Variants in ANOS1 observed in about 807,000 individuals in gnomAD.
ANOS1 encodes the protein anosmin 1.
A neutral mutation model predicts 59.0 loss-of-function variants in ANOS1; 6 were observed. The observed-to-expected ratio is 0.10, with a 90% CI of 0.06 to 0.20. The LOEUF is 0.20. Ranked by LOEUF, ANOS1 falls within the 10% of genes least tolerant of loss-of-function variation. The pLI is 1.00. For synonymous variants in ANOS1, 217 were observed against 223.4 expected (o/e 0.97, Z 0.25); for missense variants, 433 against 542.3 (o/e 0.80, Z 2.00).
intron 6 of ANOS1, among the ~76,000 whole-genome samples, chrX:8,582,316 T>C (rs911303442): frequency 1.8e-5 from 2 of 112,354 alleles, no homozygotes; most frequent in Non-Finnish European, 3.8e-5. Context: ...ATAAAGAAGG[T>C]GAGCCAGCCA....
chrX:8,730,902 G>C (rs367813881), intron 1 of ANOS1, among the ~76,000 whole-genome samples: 1 of 112,744 alleles, frequency 8.9e-6, no homozygotes, highest in East Asian at 2.8e-4. Flanking sequence ...ACCTGCTCTC[G>C]TGCGCCCACC....
intron 3 of ANOS1, among the ~76,000 whole-genome samples, chrX:8,608,318 A>T (rs1166621735): frequency 8.9e-6 from 1 of 111,919 alleles, no homozygotes; most frequent in East Asian, 2.8e-4. Flanking sequence ...ATCCATATAC[A>T]TTAATTATAG....
At chrX:8,620,195 T>G (rs193297832) in intron 3 of ANOS1, among the ~76,000 whole-genome samples, 36 of 112,525 alleles carry the variant, frequency 3.2e-4, no homozygotes, top group African/African-American at 1.1e-3. Flanking sequence ...TTACAAGTAC[T>G]CAATTCTGTT....
At chrX:8,576,330 T>C (rs1355449295) in intron 6 of ANOS1, among the ~76,000 whole-genome samples, 2 of 111,005 alleles carry the variant, frequency 1.8e-5, no homozygotes, top group African/African-American at 6.6e-5. Context: ...GAGAATTGGT[T>C]CCCTACGTTA....
intron 2 of ANOS1, among the ~76,000 whole-genome samples, chrX:8,697,536 G>C (rs1932701479): frequency 9.0e-6 from 1 of 111,729 alleles, no homozygotes; most frequent in African/African-American, 3.3e-5. Context: ...GGTGGGAAGA[G>C]TGGTTAGATG....
At position 8,680,272 on chromosome X, in the gene ANOS1, G is replaced by T. The variant is rs766979557; in HGVS notation, c.255+19426C>A. Among the ~76,000 whole-genome samples, 25 of 107,971 alleles carry T rather than the reference G, an allele frequency of 2.3e-4. No homozygotes were observed. In the Admixed American group the frequency reaches 2.5e-3, roughly 11 times the overall value. 93.8% of individuals were successfully genotyped at this position (107,971 alleles called of 115,157 possible). ...CTCACTCTGTCACCCAGGCTGGGCTGCAATGATGTGATCATAGCTCTCAGT... is the reference window on the plus strand; with the variant it reads ...CTCACTCTGTCACCCAGGCTGGGCTTCAATGATGTGATCATAGCTCTCAGT... On this transcript the variant is annotated intron_variant, in intron 2 of 13. Coordinates refer to ENST00000262648, the MANE Select transcript of ANOS1 (RefSeq NM_000216.4).
intron 2 of ANOS1, among the ~76,000 whole-genome samples, chrX:8,668,420 T>TAC (rs1370038176): frequency 9.2e-5 from 7 of 75,935 alleles, no homozygotes; most frequent in Non-Finnish European, 1.5e-4. Context: ...TATATATATA[T>TAC]ATATATATAT....
intron 2 of ANOS1, among the ~76,000 whole-genome samples, chrX:8,665,692 C>G (rs1272545420): frequency 8.9e-6 from 1 of 112,153 alleles, no homozygotes. Context: ...ACCCAATTCA[C>G]TTAAACATTT....
intron 3 of ANOS1, among the ~76,000 whole-genome samples, chrX:8,600,360 A>G (rs1199529654): frequency 1.8e-5 from 2 of 112,497 alleles, no homozygotes; most frequent in African/African-American, 3.2e-5. Context: ...CTTAATTAAC[A>G]AAAGGAAAAC....
chrX:8,667,106 C>T (rs759455484), intron 2 of ANOS1, among the ~76,000 whole-genome samples: 12 of 111,621 alleles, frequency 1.1e-4, no homozygotes, highest in African/African-American at 3.6e-4. Flanking sequence ...CCTCCTGATG[C>T]TTTCACCCAA....
Position 8,549,507 on chromosome X carries a change from C to T in ANOS1, c.1354+4445G>A, listed in dbSNP as rs148368543. Among the ~76,000 whole-genome samples, 941 of 112,549 alleles carry T rather than the reference C, an allele frequency of 8.4e-3. 11 individuals are homozygous for T. The highest frequency in any genetic ancestry group is 0.029 in the African/African-American group (891 of 31,028). ...TGGACAATTAAATCATGTCTTAAAG[C>T]ACTGCTCTTTGTTGTTCACAAAGGA... On this transcript the variant is annotated intron_variant, in intron 9 of 13. Transcript: ENST00000262648.
At position 8,548,174 on chromosome X, in the gene ANOS1, C is replaced by CT. The variant is rs1929800962; in HGVS notation, c.1354+5777dup. Among the ~76,000 whole-genome samples, 3 of 111,980 alleles carry CT rather than the reference C, an allele frequency of 2.7e-5. No individual in the cohort carries two copies. The East Asian group carries it at 8.4e-4, about 31-fold the overall frequency. ...GAACAACCAGACCTTTCTTCCCGTT[C>CT]TTTTTTTTCTATATTTCCTTTGTCA... On this transcript the variant is annotated intron_variant, in intron 9 of 13. Coordinates refer to ENST00000262648, the MANE Select transcript of ANOS1 (RefSeq NM_000216.4).
Position 8,530,696 on chromosome X carries a change from G to A in ANOS1, c.*2299C>T, listed in dbSNP as rs1198642741. On this transcript the variant is annotated 3_prime_UTR_variant, in exon 14 of 14. Coordinates refer to ENST00000262648, the MANE Select transcript of ANOS1 (RefSeq NM_000216.4). Reference sequence around the variant, plus strand: ...TCTATTACCCAGACAAAAGAAGCATGATTAAATTTTATAAAATTAAATTTA... The same window carrying A: ...TCTATTACCCAGACAAAAGAAGCATAATTAAATTTTATAAAATTAAATTTA... The A allele has an allele frequency of 3.7e-5, 4 of 109,553 alleles. No homozygotes were observed. Among genetic ancestry groups the A allele is most frequent in the Admixed American group, 9.8e-5 (1 of 10,170 alleles). 9.0% of individuals were successfully genotyped at this position (109,553 alleles called of 1,213,427 possible).
chrX:8,655,512 G>A (rs1326816082), intron 2 of ANOS1, among the ~76,000 whole-genome samples: 2 of 111,448 alleles, frequency 1.8e-5, no homozygotes, highest in East Asian at 2.8e-4. Flanking sequence ...GGGGTCCGAG[G>A]CCCTAGGATT....
chrX:8,676,998 C>T (rs1030300444), intron 2 of ANOS1, among the ~76,000 whole-genome samples: 11 of 111,827 alleles, frequency 9.8e-5, no homozygotes, highest in Non-Finnish European at 1.7e-4. Context: ...TTTTCCCTCT[C>T]GCCTGAGACC....
At chrX:8,597,465 A>G in intron 3 of ANOS1, among the ~76,000 whole-genome samples, 1 of 110,744 alleles carries the variant, frequency 9.0e-6, no homozygotes, top group African/African-American at 3.3e-5. Context: ...TGATGATTTT[A>G]TATTGCATGC....
intron 3 of ANOS1, among the ~76,000 whole-genome samples, chrX:8,604,889 T>G (rs1264212813): frequency 8.9e-6 from 1 of 112,918 alleles, no homozygotes; most frequent in East Asian, 2.7e-4. Flanking sequence ...TAGCACATGC[T>G]CTTCCTTTTG....
chrX:8,554,022 C>A lies in ANOS1; in HGVS notation c.1284G>T (p.Pro428=), dbSNP rs376164390. 8.3e-7 allele frequency: 1 copy of A among 1,204,673 alleles called. No individual in the cohort carries two copies. The highest frequency in any genetic ancestry group is 1.7e-5 in the African/African-American group (1 of 57,194). ...GATAGAAGGGAGCTCCGACTTCCAG[C>A]GGGCGAGTGGGTCGTCGTCTTTGAA... ...LPFQRRRPTR[P]LEVGAPFYQD... Residue 428 remains proline (P), a synonymous_variant, in exon 9 of 14, where the codon CCG becomes CCT. Coordinates refer to ENST00000262648, the MANE Select transcript of ANOS1 (RefSeq NM_000216.4).
At chrX:8,688,717 T>C (rs1205349548) in intron 2 of ANOS1, among the ~76,000 whole-genome samples, 1 of 112,066 alleles carries the variant, frequency 8.9e-6, no homozygotes, top group African/African-American at 3.2e-5. Context: ...TTGTCACATA[T>C]TGGATTTAAA....
Sources: allele counts gnomAD v4.1 joint callset (sites outside exome capture counted in the v4.1 genomes callset), GRCh38; gene constraint gnomAD v4.1.1; transcripts MANE v1.5; gene names NCBI Gene and HGNC (gene_info 2026-07-23, HGNC 2026-07-21).